The following TXLNB variants were observed in gnomAD, a reference collection of about 807,000 sequenced individuals.
TXLNB encodes taxilin beta.
TXLNB carries 37 observed loss-of-function variants against 57.4 expected under a neutral mutation model. That is an observed-to-expected ratio of 0.64 (90% CI 0.50 to 0.85). TXLNB has a LOEUF of 0.85. Ranked by LOEUF, TXLNB falls within the 40% of genes least tolerant of loss-of-function variation. TXLNB has a pLI of 0.00. For missense variants in TXLNB, 848 were observed against 825.6 expected (o/e 1.03, Z -0.33); for synonymous variants, 302 against 309.6 (o/e 0.98, Z 0.26).
At chr6:139,250,537 C>G (rs1365708428) in intron 7 of TXLNB, among the ~76,000 whole-genome samples, 1 of 151,962 alleles carries the variant, frequency 6.6e-6, no homozygotes, top group Admixed American at 6.6e-5. Context: ...CAACTACCCC[C>G]AGCAGATCCT....
chr6:139,212,933 C>T, the TXLNB span, among the ~76,000 whole-genome samples: 1 of 152,140 alleles, frequency 6.6e-6, no homozygotes, highest in South Asian at 2.1e-4. Context: ...AACTAACTAT[C>T]CTAAATATAT....
At chr6:139,186,198 C>A in the TXLNB span, among the ~76,000 whole-genome samples, 2 of 151,974 alleles carry the variant, frequency 1.3e-5, no homozygotes, top group Admixed American at 1.3e-4. Flanking sequence ...AAAACTAACT[C>A]AAAATGGATC....
the TXLNB span, among the ~76,000 whole-genome samples, chr6:139,169,428 CTCT>C: frequency 3.9e-5 from 6 of 152,044 alleles, no homozygotes; most frequent in African/African-American, 1.4e-4. Context: ...TAATAGCATT[CTCT>C]TCTTGTTTCA....
chr6:139,227,704 A>G, the TXLNB span, among the ~76,000 whole-genome samples: 1 of 152,366 alleles, frequency 6.6e-6, no homozygotes, highest in East Asian at 1.9e-4. Context: ...ATGACAATGA[A>G]AATCAATGAA....
the TXLNB span, among the ~76,000 whole-genome samples, chr6:139,193,106 C>T: frequency 1.3e-5 from 2 of 152,094 alleles, no homozygotes; most frequent in African/African-American, 2.4e-5. Flanking sequence ...CAATAACTTC[C>T]TCTTCTAGGA....
At chr6:139,313,227 C>A in the TXLNB span, among the ~76,000 whole-genome samples, 1 of 152,084 alleles carries the variant, frequency 6.6e-6, no homozygotes, top group East Asian at 1.9e-4. Flanking sequence ...CACGTGCCAC[C>A]ATGCCCGGCT....
chr6:139,189,146 G>A, the TXLNB span, among the ~76,000 whole-genome samples: 3 of 152,244 alleles, frequency 2.0e-5, no homozygotes, highest in Non-Finnish European at 4.4e-5. Flanking sequence ...ATCATATGAT[G>A]TGTAGTGTAA....
At position 139,283,367 on chromosome 6, in the gene TXLNB, G is replaced by A. The variant is rs373425825; in HGVS notation, c.424+5109C>T. Among the ~76,000 whole-genome samples the A allele has an allele frequency of 5.1e-4, 73 of 143,652 alleles. 9 individuals carry two copies. The highest frequency in any genetic ancestry group is 1.7e-3 in the African/African-American group (66 of 38,964). 94.2% of individuals were successfully genotyped at this position (143,652 alleles called of 152,430 possible). ...CGACGCAGGCGGATCACCTGAGGTC[G>A]GGAGTTCAAGACCAGCCTGACCAAC... On this transcript the variant is annotated intron_variant, in intron 2 of 9. Coordinates refer to ENST00000358430, the MANE Select transcript of TXLNB (RefSeq NM_153235.4).
chr6:139,295,081 T>G (rs745745576), upstream of TXLNB, among the ~76,000 whole-genome samples: 1 of 152,232 alleles, frequency 6.6e-6, no homozygotes, highest in Non-Finnish European at 1.5e-5. Flanking sequence ...TCTTTCTCAT[T>G]GTCCTGCAAT....
the TXLNB span, among the ~76,000 whole-genome samples, chr6:139,173,778 C>A: frequency 1.3e-5 from 2 of 152,098 alleles, no homozygotes; most frequent in East Asian, 1.9e-4. Context: ...TTTAAGAGCT[C>A]GGTGAATAAT....
chr6:139,168,266 TACC>T, the TXLNB span, among the ~76,000 whole-genome samples: 1 of 152,172 alleles, frequency 6.6e-6, no homozygotes, highest in Non-Finnish European at 1.5e-5. Context: ...CAGGATAAGA[TACC>T]ACAATTATTA....
the TXLNB span, among the ~76,000 whole-genome samples, chr6:139,171,380 A>AC: frequency 6.6e-6 from 1 of 152,212 alleles, no homozygotes; most frequent in Non-Finnish European, 1.5e-5. Flanking sequence ...ATAAATAGAT[A>AC]ATGCGCACAT....
rs149055963 is a variant in TXLNB, at chr6:139,242,810, C to T, written c.1771G>A (p.Glu591Lys). 2.2e-4 allele frequency: 351 copies of T among 1,614,020 alleles called. 1 individual carries two copies. Among genetic ancestry groups the T allele is most frequent in the Non-Finnish European group, 2.7e-4 (314 of 1,180,046 alleles). ...GCCTGTGCTCCAACAGGGAGACCCTCGCATTGGGTTTCTGCTCCCAACCCG... is the reference window on the plus strand; with the variant it reads ...GCCTGTGCTCCAACAGGGAGACCCTTGCATTGGGTTTCTGCTCCCAACCCG... ...PAGLGAETQC[E>K]GLPVGAQADQ... Residue 591 changes from glutamate to lysine, a missense_variant, in exon 10 of 10, where the codon GAG becomes AAG. Glu to Lys is a moderately conservative substitution (Grantham distance 56). Transcript: ENST00000358430.
downstream of TXLNB, among the ~76,000 whole-genome samples, chr6:139,235,627 A>T (rs1401908135): frequency 6.6e-6 from 1 of 152,038 alleles, no homozygotes; most frequent in Non-Finnish European, 1.5e-5. Flanking sequence ...TGTTCTTATG[A>T]TAGTGATATG....
At chr6:139,224,830 C>T in the TXLNB span, among the ~76,000 whole-genome samples, 2 of 152,060 alleles carry the variant, frequency 1.3e-5, no homozygotes, top group South Asian at 4.2e-4. Flanking sequence ...ACAAACTTTT[C>T]CCCCAAGATA....
chr6:139,317,421 A>G, the TXLNB span, among the ~76,000 whole-genome samples: 1 of 151,836 alleles, frequency 6.6e-6, no homozygotes, highest in Non-Finnish European at 1.5e-5. Context: ...TTTTATTGAA[A>G]CGGAGTCTCG....
chr6:139,225,459 C>T, the TXLNB span, among the ~76,000 whole-genome samples: 1 of 152,060 alleles, frequency 6.6e-6, no homozygotes, highest in Non-Finnish European at 1.5e-5. Flanking sequence ...TTGTAATTAA[C>T]TAGTGGATCT....
At chr6:139,187,885 A>G in the TXLNB span, among the ~76,000 whole-genome samples, 2 of 152,220 alleles carry the variant, frequency 1.3e-5, no homozygotes, top group Non-Finnish European at 2.9e-5. Context: ...GGGGTGTTAA[A>G]TGAAATCATT....
the TXLNB span, among the ~76,000 whole-genome samples, chr6:139,204,706 A>G: frequency 6.6e-6 from 1 of 152,160 alleles, no homozygotes; most frequent in Non-Finnish European, 1.5e-5. Context: ...GCAGAAGCTT[A>G]TAGCCTGGGG....
Sources: allele counts gnomAD v4.1 joint callset (sites outside exome capture counted in the v4.1 genomes callset), GRCh38; gene constraint gnomAD v4.1.1; transcripts MANE v1.5; gene names NCBI Gene and HGNC (gene_info 2026-07-23, HGNC 2026-07-21).